Variants in VPS13B observed in about 807,000 individuals in gnomAD.
The protein encoded by VPS13B is vacuolar protein sorting 13 homolog B.
A neutral mutation model predicts 426.4 loss-of-function variants in VPS13B; 285 were observed. That is an observed-to-expected ratio of 0.67 (90% CI 0.61 to 0.74). The LOEUF is 0.74. Ranked by LOEUF, VPS13B falls within the 30% of genes least tolerant of loss-of-function variation. The probability of loss-of-function intolerance (pLI) is 0.00; values close to 1 mark genes in which losing one functional copy is unlikely to be tolerated. For missense variants in VPS13B, 4,537 were observed against 4,782.6 expected, an observed-to-expected ratio of 0.95 and a Z score of 1.51; for synonymous variants, 1,676 against 1,676.4, an observed-to-expected ratio of 1.00 and a Z score of 0.01.
chr8:99,145,144 T>C (rs1258419634), intron 13 of VPS13B, among the ~76,000 whole-genome samples: 2 of 152,192 alleles, frequency 1.3e-5, no homozygotes, highest in South Asian at 2.1e-4. Context: ...AATCACCTTG[T>C]TGGGTTTTAG....
At chr8:99,043,794 C>G (rs1053229197) in intron 3 of VPS13B, among the ~76,000 whole-genome samples, 1 of 152,066 alleles carries the variant, frequency 6.6e-6, no homozygotes. Context: ...ACTCTGTCAT[C>G]CTTATTTCTG....
chr8:99,323,380 A>C (rs568992857), intron 19 of VPS13B, among the ~76,000 whole-genome samples: 5 of 152,322 alleles, frequency 3.3e-5, no homozygotes, highest in African/African-American at 1.2e-4. Flanking sequence ...CAATATTTCC[A>C]GATACTATGG....
At chr8:99,482,522 C>T (rs1191878085) in intron 25 of VPS13B, among the ~76,000 whole-genome samples, 7 of 152,096 alleles carry the variant, frequency 4.6e-5, no homozygotes, top group Non-Finnish European at 1.0e-4. Context: ...ACGGAATAGT[C>T]ACATGCAATT....
intron 17 of VPS13B, among the ~76,000 whole-genome samples, chr8:99,262,136 G>T (rs1246873631): frequency 6.6e-6 from 1 of 152,118 alleles, no homozygotes; most frequent in Non-Finnish European, 1.5e-5. Flanking sequence ...TTTGTGTTTT[G>T]TTCCTTGTGA....
intron 21 of VPS13B, among the ~76,000 whole-genome samples, chr8:99,418,603 C>T (rs1208508405): frequency 6.6e-6 from 1 of 150,856 alleles, no homozygotes; most frequent in Non-Finnish European, 1.5e-5. Context: ...GGCTGGAGTG[C>T]ATTGGTCCCA....
chr8:99,556,895 G>T (rs1379279020), intron 31 of VPS13B, among the ~76,000 whole-genome samples: 1 of 150,066 alleles, frequency 6.7e-6, no homozygotes, highest in Non-Finnish European at 1.5e-5. Flanking sequence ...GAAAAAAAAA[G>T]CTTACTATTT....
intron 19 of VPS13B, among the ~76,000 whole-genome samples, chr8:99,359,224 C>G (rs1588289335): frequency 6.6e-6 from 1 of 152,062 alleles, no homozygotes; most frequent in Non-Finnish European, 1.5e-5. Context: ...ATTTTATAGT[C>G]ATAAAATAAC....
intron 3 of VPS13B, among the ~76,000 whole-genome samples, chr8:99,044,034 T>G (rs574894054): frequency 2.0e-5 from 3 of 151,828 alleles, no homozygotes; most frequent in African/African-American, 7.2e-5. Flanking sequence ...CTCTCTAGCT[T>G]CTTTTCTTTT....
intron 19 of VPS13B, among the ~76,000 whole-genome samples, chr8:99,378,113 C>A (rs1039978021): frequency 6.9e-6 from 1 of 145,086 alleles, no homozygotes; most frequent in African/African-American, 2.6e-5. Context: ...AGGCGGACAC[C>A]CCCAGAGCGG....
chr8:99,663,732 CAG>C (rs1469789210), intron 35 of VPS13B, among the ~76,000 whole-genome samples: 1 of 152,128 alleles, frequency 6.6e-6, no homozygotes, highest in Non-Finnish European at 1.5e-5. Flanking sequence ...GGAAGAGTGA[CAG>C]GGGAAACTTG....
In VPS13B at chr8:99,821,386, G is replaced by A; in HGVS notation, c.9087G>A (p.Lys3029=). 1 of 1,613,860 alleles carries A rather than the reference G, an allele frequency of 6.2e-7. No individual in the cohort carries two copies. Residue 3029 remains lysine, a synonymous_variant, in exon 50 of 62, where the codon AAG becomes AAA. Coordinates refer to ENST00000357162, the MANE Select transcript of VPS13B (RefSeq NM_152564.5). ...TGGTCCATAACCTGACATCTCCAAA[G>A]TGGAAAGATGGAGGTAATGGTGAAG... ...IKLVHNLTSP[K]WKDGGNGEVV... is the part of the protein sequence containing the mutation.
intron 17 of VPS13B, among the ~76,000 whole-genome samples, chr8:99,256,482 C>T (rs1817748174): frequency 6.6e-6 from 1 of 152,110 alleles, no homozygotes; most frequent in Non-Finnish European, 1.5e-5. Flanking sequence ...TACTGTTTTC[C>T]ACTGTACCAT....
At chr8:99,432,062 T>C (rs1817143620) in intron 22 of VPS13B, among the ~76,000 whole-genome samples, 1 of 152,080 alleles carries the variant, frequency 6.6e-6, no homozygotes, top group Admixed American at 6.5e-5. Flanking sequence ...TCTACATAAT[T>C]ATAAGTTAAA....
At chr8:99,148,483 T>C (rs1283520947) in intron 14 of VPS13B, among the ~76,000 whole-genome samples, 4 of 152,086 alleles carry the variant, frequency 2.6e-5, no homozygotes, top group Non-Finnish European at 4.4e-5. Flanking sequence ...AATTTTAAAT[T>C]TATATTTTTA....
At chr8:99,760,426 A>C (rs753536956) in intron 39 of VPS13B, among the ~76,000 whole-genome samples, 2 of 152,210 alleles carry the variant, frequency 1.3e-5, no homozygotes, top group Non-Finnish European at 2.9e-5. Flanking sequence ...AGGTTTTATT[A>C]TCCTTGTTTA....
At chr8:99,779,426 G>A (rs1295891171) in intron 42 of VPS13B, among the ~76,000 whole-genome samples, 1 of 152,094 alleles carries the variant, frequency 6.6e-6, no homozygotes, top group Non-Finnish European at 1.5e-5. Flanking sequence ...CCTTTCTAAT[G>A]ATAAGCATTC....
intron 58 of VPS13B, among the ~76,000 whole-genome samples, chr8:99,864,095 G>C (rs1235124998): frequency 1.3e-5 from 2 of 152,236 alleles, no homozygotes; most frequent in African/African-American, 4.8e-5. Context: ...ACTACCAGGT[G>C]TGTGGCAAGA....
intron 22 of VPS13B, among the ~76,000 whole-genome samples, chr8:99,438,614 C>T (rs903815533): frequency 2.0e-5 from 3 of 152,084 alleles, no homozygotes; most frequent in African/African-American, 7.2e-5. Flanking sequence ...AACACTTACT[C>T]TGGAAAGGAT....
At chr8:99,322,366 G>A (rs1173897236) in intron 19 of VPS13B, among the ~76,000 whole-genome samples, 2 of 152,044 alleles carry the variant, frequency 1.3e-5, no homozygotes, top group Non-Finnish European at 2.9e-5. Context: ...ATTAAGGCTA[G>A]TACTTTTTTT....
Sources: gnomAD v4.1 joint callset for allele counts (sites outside exome capture counted in the v4.1 genomes callset) on GRCh38, gnomAD v4.1.1 for gene constraint, MANE v1.5 for transcripts, NCBI Gene and HGNC (gene_info 2026-07-23, HGNC 2026-07-21) for gene names.